Variants in RIOK2 observed in about 807,000 individuals in gnomAD.
The protein encoded by RIOK2 is serine/threonine-protein kinase RIO2.
Under a neutral mutation model 62.4 loss-of-function variants are expected in RIOK2, and 46 were observed. That is an observed-to-expected ratio of 0.74 (90% CI 0.58 to 0.94). RIOK2 has a LOEUF of 0.94. Ranked by LOEUF, RIOK2 falls within the 40% of genes least tolerant of loss-of-function variation. RIOK2 has a pLI of 0.00. For synonymous variants in RIOK2, 197 were observed against 216.0 expected (o/e 0.91, Z 0.77); for missense variants, 574 against 658.0 (o/e 0.87, Z 1.40).
chr5:97,176,138 G>A (rs1460652354), intron 4 of RIOK2: 2 of 152,114 alleles, frequency 1.3e-5, no homozygotes, highest in South Asian at 2.1e-4. Context: ...ATAAATGTAT[G>A]AGGTACATGT....
rs1749264831 is a variant in RIOK2, at chr5:97,179,171, T to C, written c.89A>G (p.His30Arg). ...LTAVEMGMKN[H>R]EIVPGSLIAS... ...AATCAAACTGCCGGGAACAATTTCA[T>C]GGTTCTTCATGCCCATTTCAACCTG... The change falls in exon 2 of 10, where the codon CAT becomes CGT. Residue 30 changes from histidine (H) to arginine (R), a missense_variant. Physicochemically the swap from His to Arg is conservative, Grantham distance 29. Coordinates refer to ENST00000283109, the MANE Select transcript of RIOK2 (RefSeq NM_018343.3). 1.9e-6 allele frequency: 3 copies of C among 1,613,644 alleles called. No individual in the cohort carries two copies. The highest frequency in any genetic ancestry group is 1.7e-5 in the Admixed American group (1 of 59,980).
chr5:97,165,208 G>C (rs2112824941), intron 8 of RIOK2, 61 bp from the exon 9 acceptor site: 1 of 798,072 alleles, frequency 1.3e-6, no homozygotes, highest in South Asian at 4.2e-5. Flanking sequence ...AATCCCATTT[G>C]ATTAATTTAT....
At chr5:97,170,043 A>G (rs1332649246) in intron 6 of RIOK2, among the ~76,000 whole-genome samples, 3 of 152,230 alleles carry the variant, frequency 2.0e-5, no homozygotes, top group Non-Finnish European at 4.4e-5. Flanking sequence ...TAGCATAAGT[A>G]TAGACATTTT....
chr5:97,170,677 A>G (rs1445901838), intron 6 of RIOK2, among the ~76,000 whole-genome samples: 2 of 152,258 alleles, frequency 1.3e-5, no homozygotes, highest in African/African-American at 2.4e-5. Context: ...TTTACAACAG[A>G]GAAATTCAAA....
intron 4 of RIOK2, chr5:97,175,937 T>TG (rs1340156472): frequency 2.6e-5 from 4 of 152,186 alleles, no homozygotes; most frequent in African/African-American, 9.7e-5. Context: ...TAAAGGATTT[T>TG]TTTTTTTAAT....
chr5:97,169,645 T>C (rs763030953), intron 6 of RIOK2, among the ~76,000 whole-genome samples: 3 of 152,212 alleles, frequency 2.0e-5, no homozygotes, highest in African/African-American at 7.2e-5. Context: ...AAAATACTAA[T>C]ACATTTTAAA....
intron 8 of RIOK2, 34 bp from the exon 9 acceptor site, chr5:97,165,181 A>G: frequency 9.0e-7 from 1 of 1,112,322 alleles, no homozygotes; most frequent in African/African-American, 1.6e-5. Flanking sequence ...TATCTAGTTA[A>G]TTTGTATAAT....
chr5:97,183,091 AG>A lies in RIOK2; in HGVS notation c.66+34del, dbSNP rs760280252. 4 of 1,610,212 alleles carry A rather than the reference AG, an allele frequency of 2.5e-6. No individual in the cohort carries two copies. The East Asian group carries it at 8.9e-5, about 36-fold the overall frequency. On this transcript the variant is annotated intron_variant, in intron 1 of 9. Transcript: ENST00000283109. ...AACAGGAAGAGGTCACACAGTGTTA[AG>A]GGGAAGGGAGAACAGGAACGGCGGG...
chr5:97,171,569 C>T (rs924375752), intron 5 of RIOK2, among the ~76,000 whole-genome samples, 172 bp from the exon 6 acceptor site: 4 of 152,266 alleles, frequency 2.6e-5, no homozygotes, highest in South Asian at 2.1e-4. Context: ...AAAAAAATAG[C>T]CACACTGCTT....
At position 97,167,649 on chromosome 5, in the gene RIOK2, C is replaced by T. The variant is rs1416139742; in HGVS notation, c.1215G>A (p.Gly405=). 9.9e-6 allele frequency: 16 copies of T among 1,614,044 alleles called. No individual in the cohort carries two copies. Among genetic ancestry groups the T allele is most frequent in the Middle Eastern group, 3.3e-4 (2 of 6,084 alleles). ...EFNQALEEIK[G]QVVENNSVTE... is the part of the protein sequence containing the mutation. ...TTACAGAGTTGTTTTCAACAACCTG[C>T]CCTTTTATTTCTTCTAAAGCTTGAT... Residue 405 remains glycine, a synonymous_variant, in exon 8 of 10, where the codon GGG becomes GGA. Coordinates refer to ENST00000283109, the MANE Select transcript of RIOK2 (RefSeq NM_018343.3).
Position 97,167,139 on chromosome 5 carries a change from A to C in RIOK2, c.1397+328T>G. Reference sequence around the variant, plus strand: ...GCCATGTTGGCCTGGCTGGTCTCAAACTCCTGACCTCAGGTGATTTGCCTG... The same window carrying C: ...GCCATGTTGGCCTGGCTGGTCTCAACCTCCTGACCTCAGGTGATTTGCCTG... On this transcript the variant is annotated intron_variant, in intron 8 of 9. Coordinates refer to ENST00000283109, the MANE Select transcript of RIOK2 (RefSeq NM_018343.3). 9 of 962,782 alleles carry C rather than the reference A, an allele frequency of 9.3e-6. No individual in the cohort carries two copies. The South Asian group carries it at 3.0e-4, about 32-fold the overall frequency. 59.6% of individuals were successfully genotyped at this position (962,782 alleles called of 1,614,324 possible).
rs991056875 is a variant in RIOK2, at chr5:97,168,793, T to A, written c.839A>T (p.Glu280Val). 8 of 1,601,814 alleles carry A rather than the reference T, an allele frequency of 5.0e-6. No homozygotes were observed. Among genetic ancestry groups the A allele is most frequent in the Non-Finnish European group, 6.0e-6 (7 of 1,176,076 alleles). The stretch of plus-strand genomic sequence containing the variant: ...CTTAAAAGTTGGAAAAAGCTCACTT[T>A]CGTAGCTGAAACGTTTCATAAAGAA... ...KDFFMKRFSY[E>V]SELFPTFKDI... The change falls in exon 7 of 10, where the codon GAA becomes GTA. Residue 280 changes from glutamate to valine, a missense_variant. Physicochemically the swap from Glu to Val is moderately radical, Grantham distance 121. Coordinates refer to ENST00000283109, the MANE Select transcript of RIOK2 (RefSeq NM_018343.3).
chr5:97,171,454 A>C, intron 5 of RIOK2, 57 bp from the exon 6 acceptor site: 1 of 1,277,422 alleles, frequency 7.8e-7, no homozygotes, highest in Non-Finnish European at 1.1e-6. Context: ...GGTTTTAACG[A>C]AAGTATGTAT....
intron 1 of RIOK2, among the ~76,000 whole-genome samples, chr5:97,182,227 AC>A (rs1294853056): frequency 2.0e-5 from 3 of 152,172 alleles, no homozygotes; most frequent in African/African-American, 7.2e-5. Context: ...TTTAGTGGTT[AC>A]CCCCACATTC....
rs571728308 is a variant in RIOK2 at position 97,162,769 on chromosome 5, A to T, written c.*292T>A. On this transcript the variant is annotated 3_prime_UTR_variant, in exon 10 of 10. Coordinates refer to ENST00000283109, the MANE Select transcript of RIOK2 (RefSeq NM_018343.3). ...TGCTTTATGTGCATTGTAGCATATC[A>T]TCCTCAACAAACAGAAAACAACAAA... 30 of 298,470 alleles carry T rather than the reference A, an allele frequency of 1.0e-4. No homozygotes were observed. The highest frequency in any genetic ancestry group is 6.6e-4 in the African/African-American group (30 of 45,194). 18.5% of individuals were successfully genotyped at this position (298,470 alleles called of 1,614,324 possible). A position where few individuals can be genotyped will look rare whatever the true frequency, so the allele number is the denominator to read the frequency against.
intron 1 of RIOK2, among the ~76,000 whole-genome samples, chr5:97,182,588 A>G (rs1264980951): frequency 6.6e-6 from 1 of 152,102 alleles, no homozygotes; most frequent in Non-Finnish European, 1.5e-5. Context: ...TATCATTTTC[A>G]TAGCATTTAT....
chr5:97,177,338 A>G, intron 3 of RIOK2, 47 bp from the exon 4 acceptor site: 1 of 1,478,520 alleles, frequency 6.8e-7, no homozygotes, highest in South Asian at 1.2e-5. Context: ...GTTTATTCCA[A>G]TCAGTTAAAA....
chr5:97,177,746 A>G lies in RIOK2; in HGVS notation c.308T>C (p.Val103Ala). 1 of 1,603,578 alleles carries G rather than the reference A, an allele frequency of 6.2e-7. No homozygotes were observed. The highest frequency in any genetic ancestry group is 8.5e-7 in the Non-Finnish European group (1 of 1,170,752). ...VVESVGNQMG[V>A]GKESDIYIVA... is the part of the protein sequence containing the mutation. ...TTAGCACTTACCTGATTCTTTGCCA[A>G]CACCCATCTGGTTTCCAACAGACTC... The change falls in exon 3 of 10, where the codon GTT (valine) becomes GCT (alanine). Residue 103 changes from valine (V) to alanine (A), a missense_variant. Physicochemically the swap from Val to Ala is moderately conservative, Grantham distance 64. Coordinates refer to ENST00000283109, the MANE Select transcript of RIOK2 (RefSeq NM_018343.3).
rs374111153 is a variant in RIOK2 at position 97,183,205 on chromosome 5, C to T, written c.-14G>A. 1.7e-5 allele frequency: 28 copies of T among 1,614,010 alleles called. No homozygotes were observed. Among genetic ancestry groups the T allele is most frequent in the East Asian group, 4.5e-5 (2 of 44,880 alleles). ...CACTTTCCCCATGGCGGCCCCAGTC[C>T]GAACCCAGATGCCTCTCCGACGACA... On this transcript the variant is annotated 5_prime_UTR_variant, in exon 1 of 10. Transcript: ENST00000283109.
Sources: allele counts gnomAD v4.1 joint callset (sites outside exome capture counted in the v4.1 genomes callset), GRCh38; gene constraint gnomAD v4.1.1; transcripts MANE v1.5; gene names NCBI Gene and HGNC (gene_info 2026-07-23, HGNC 2026-07-21).